The following GREB1L variants were observed in gnomAD, a reference collection of about 807,000 sequenced individuals.
GREB1L encodes the protein GREB1 like retinoic acid receptor coactivator.
Under a neutral mutation model 200.8 loss-of-function variants are expected in GREB1L, and 17 were observed. The ratio of observed to expected loss-of-function variants is 0.08; its 90% CI spans 0.06 to 0.13. GREB1L has a LOEUF of 0.13. Among genes scored for constraint, GREB1L ranks in the 10% least tolerant of loss-of-function variants. The pLI, the probability that GREB1L is intolerant of heterozygous loss-of-function variation, is 1.00. For synonymous variants in GREB1L, 789 were observed against 893.0 expected (o/e 0.88, Z 2.08); for missense variants, 1,657 against 2,367.7 (o/e 0.70, Z 6.23).
intron 16 of GREB1L, among the ~76,000 whole-genome samples, chr18:21,476,396 G>A (rs1224714918): frequency 6.6e-6 from 1 of 151,748 alleles, no homozygotes; most frequent in Non-Finnish European, 1.5e-5. Context: ...AAGGGAGGGA[G>A]AGAGAGAGAG....
chr18:21,403,075 A>C (rs2041385920), intron 6 of GREB1L, among the ~76,000 whole-genome samples: 1 of 152,144 alleles, frequency 6.6e-6, no homozygotes, highest in African/African-American at 2.4e-5. Flanking sequence ...ATAAACTTGG[A>C]GACACTCTAA....
chr18:21,340,540 T>C (rs756472486), intron 1 of GREB1L, among the ~76,000 whole-genome samples: 25 of 152,020 alleles, frequency 1.6e-4, no homozygotes, highest in Non-Finnish European at 3.1e-4. Context: ...GATTTTTTCT[T>C]TCTTTTTTTT....
rs57349502 is a variant in GREB1L at position 21,344,955 on chromosome 18, G to A, written c.-119-21072G>A. On this transcript the variant is annotated intron_variant, in intron 1 of 32. Coordinates refer to ENST00000424526, the MANE Select transcript of GREB1L (RefSeq NM_001142966.3). ...TATATCTTTGACTGCCTTTGGCTGA[G>A]TTCCTTTCCTTTTTATCTAATCAAT... 1.8e-4 allele frequency among the ~76,000 whole-genome samples: 28 copies of A among 152,220 alleles called. No homozygotes were observed. The East Asian group carries it at 4.6e-3, about 25-fold the overall frequency.
At chr18:21,396,895 G>C (rs1268573955) in intron 5 of GREB1L, among the ~76,000 whole-genome samples, 1 of 152,248 alleles carries the variant, frequency 6.6e-6, no homozygotes, top group South Asian at 2.1e-4. Context: ...CTCTACTGTT[G>C]TTTTTGTTTC....
At chr18:21,454,685 A>G (rs576672116) in intron 15 of GREB1L, 122 bp downstream of exon 15, 12 of 778,516 alleles carry the variant, frequency 1.5e-5, no homozygotes, top group East Asian at 1.1e-4. Flanking sequence ...AATAAAAATC[A>G]TAAAAGCACT....
intron 23 of GREB1L, 86 bp from the exon 24 acceptor site, chr18:21,505,326 T>C: frequency 7.8e-7 from 1 of 1,284,920 alleles, no homozygotes; most frequent in Non-Finnish European, 1.1e-6. Context: ...CCATCTGGGC[T>C]CTACGTCCCA....
intron 4 of GREB1L, among the ~76,000 whole-genome samples, chr18:21,394,931 T>TAAAA (rs745423470): frequency 1.2e-5 from 1 of 82,654 alleles, no homozygotes; most frequent in African/African-American, 4.9e-5. Flanking sequence ...CCATCTCTAC[T>TAAAA]AAAAAAAAAA....
At chr18:21,271,649 CAAAAAAAAA>C (rs1191889292) in intron 1 of GREB1L, among the ~76,000 whole-genome samples, 1 of 51,966 alleles carries the variant, frequency 1.9e-5, no homozygotes, top group South Asian at 6.5e-4. Context: ...GACCCTGTCT[CAAAAAAAAA>C]AAAAAAAAAA....
At chr18:21,347,461 C>CT (rs1167550131) in intron 1 of GREB1L, among the ~76,000 whole-genome samples, 1,619 of 144,950 alleles carry the variant, frequency 0.011, 26 homozygotes, top group African/African-American at 0.037. Context: ...TTGCTTCACT[C>CT]TTTTTTTTTT....
At position 21,384,238 on chromosome 18, in the gene GREB1L, G is replaced by A. The variant is rs2040443182; in HGVS notation, c.190G>A (p.Asp64Asn). 1 of 1,551,380 alleles carries A rather than the reference G, an allele frequency of 6.4e-7. No individual in the cohort carries two copies. The highest frequency in any genetic ancestry group is 8.7e-7 in the Non-Finnish European group (1 of 1,146,754). Reference protein sequence around the residue: ...VKPKVEDLDKDLVNRYTQNGS... With the variant: ...VKPKVEDLDKNLVNRYTQNGS... ...ACCCAAGGTGGAGGATCTGGACAAA[G>A]ATTTGGTAAACCGCTACACTCAAAA... is the stretch of plus-strand genomic sequence containing the variant. Residue 64 changes from aspartate (D) to asparagine (N), a missense_variant, in exon 4 of 33, where the codon GAT (aspartate) becomes AAT (asparagine). By Grantham distance (23) the Asp-to-Asn change is conservative. This residue lies in a region of GREB1L where 121 missense variants were observed against 126.6 expected (regional missense o/e 0.96). Coordinates refer to ENST00000424526, the MANE Select transcript of GREB1L (RefSeq NM_001142966.3).
chr18:21,395,310 T>C (rs2041008644), intron 4 of GREB1L, 75 bp from the exon 5 acceptor site: 17 of 1,146,122 alleles, frequency 1.5e-5, no homozygotes, highest in Admixed American at 2.2e-5. Context: ...ATAAATCTAC[T>C]CTCCAAATGA....
Position 21,451,049 on chromosome 18 carries a change from G to C in GREB1L, c.1747G>C (p.Glu583Gln), listed in dbSNP as rs2145423883. ...LGQHQSRALA[E>Q]SMLTTSEFLK... ...TCAGCACCAGTCCCGAGCTCTGGCA[G>C]AGAGCATGCTCACCACAAGTGAGTT... The change falls in exon 13 of 33, where the codon GAG (glutamate) becomes CAG (glutamine). Residue 583 changes from glutamate to glutamine, a missense_variant. Glu to Gln is a conservative substitution (Grantham distance 29). This residue lies in a region of GREB1L where 239 missense variants were observed against 421.8 expected (regional missense o/e 0.57). Coordinates refer to ENST00000424526, the MANE Select transcript of GREB1L (RefSeq NM_001142966.3). 1 of 1,552,084 alleles carries C rather than the reference G, an allele frequency of 6.4e-7. No homozygotes were observed. The highest frequency in any genetic ancestry group is 8.7e-7 in the Non-Finnish European group (1 of 1,147,040).
At chr18:21,454,652 G>C (rs749114343) in intron 15 of GREB1L, 89 bp downstream of exon 15, 1 of 1,016,910 alleles carries the variant, frequency 9.8e-7, no homozygotes, top group Admixed American at 2.0e-5. Flanking sequence ...AACGTCTAGA[G>C]GATGCTTAAA....
In GREB1L at chr18:21,490,236, A is replaced by C; in HGVS notation, c.2915A>C (p.Lys972Thr). The C allele has an allele frequency of 6.4e-7, 1 of 1,551,814 alleles. No individual in the cohort carries two copies. Among genetic ancestry groups the C allele is most frequent in the Non-Finnish European group, 8.7e-7 (1 of 1,147,026 alleles). ...VPSVQLAMLA[K>T]ERLQEVRDKL... ...TCGGTGCAGCTGGCGATGTTAGCCA[A>C]GGAGCGGCTACAGGAGGTGCGCGAC... is the stretch of plus-strand genomic sequence containing the variant. Residue 972 changes from lysine to threonine, a missense_variant, in exon 19 of 33, where the codon AAG (lysine) becomes ACG (threonine). Coordinates refer to ENST00000424526, the MANE Select transcript of GREB1L (RefSeq NM_001142966.3).
chr18:21,496,679 C>A lies in GREB1L; in HGVS notation c.3372C>A (p.Ser1124Arg). ...TGGAGCGGCCCCAGAGCAACAGCAG[C>A]GCTGTCACAGGGACCTCGGGTCAGT... ...IDLERPQSNSSAVTGTSGSIM... is the reference protein window; with the variant it reads ...IDLERPQSNSRAVTGTSGSIM... Residue 1124 changes from serine (S) to arginine (R), a missense_variant, in exon 21 of 33, where the codon AGC (serine) becomes AGA (arginine). By Grantham distance (110) the Ser-to-Arg change is moderately radical (BLOSUM62 -1). Transcript: ENST00000424526. The A allele has an allele frequency of 5.2e-6, 8 of 1,551,506 alleles. No individual in the cohort carries two copies. Among genetic ancestry groups the A allele is most frequent in the Non-Finnish European group, 7.0e-6 (8 of 1,146,972 alleles).
At chr18:21,310,459 G>A (rs965527132) in intron 1 of GREB1L, among the ~76,000 whole-genome samples, 5 of 152,150 alleles carry the variant, frequency 3.3e-5, no homozygotes, top group Non-Finnish European at 5.9e-5. Flanking sequence ...TTTTTTGCAA[G>A]TCCTTTTCAT....
intron 1 of GREB1L, among the ~76,000 whole-genome samples, chr18:21,275,507 G>C (rs1300702187): frequency 6.6e-5 from 10 of 151,870 alleles, no homozygotes; most frequent in Admixed American, 6.6e-4. Flanking sequence ...TGCAAAATTA[G>C]CTGGGCGTGG....
intron 2 of GREB1L, among the ~76,000 whole-genome samples, chr18:21,382,668 T>C (rs2040370331): frequency 6.6e-6 from 1 of 151,900 alleles, no homozygotes; most frequent in Non-Finnish European, 1.5e-5. Flanking sequence ...ATTTTTGTAT[T>C]TTAGTAGAGA....
At chr18:21,301,222 T>G (rs1286803899) in intron 1 of GREB1L, among the ~76,000 whole-genome samples, 1 of 152,228 alleles carries the variant, frequency 6.6e-6, no homozygotes, top group Non-Finnish European at 1.5e-5. Context: ...CTTATCTATG[T>G]GCATTGTTAG....
Sources: allele counts gnomAD v4.1 joint callset (sites outside exome capture counted in the v4.1 genomes callset), GRCh38; gene constraint gnomAD v4.1.1; regional missense constraint gnomAD v4.1.1; transcripts MANE v1.5; gene names NCBI Gene and HGNC (gene_info 2026-07-23, HGNC 2026-07-21).